ADCK1: variants seen among roughly 807,000 people sequenced by gnomAD.
The protein encoded by ADCK1 is aarF domain-containing protein kinase 1.
In ADCK1, 41 loss-of-function variants were observed where a neutral mutation model predicts 52.3. That is an observed-to-expected ratio of 0.78 (90% CI 0.61 to 1.02). The LOEUF is 1.02. Among genes scored for constraint, ADCK1 ranks in the 50% least tolerant of loss-of-function variants. The pLI, the probability that ADCK1 is intolerant of heterozygous loss-of-function variation, is 0.00. For synonymous variants in ADCK1, 250 were observed against 274.6 expected, an observed-to-expected ratio of 0.91 and a Z score of 0.89; for missense variants, 658 against 679.5, an observed-to-expected ratio of 0.97 and a Z score of 0.35.
At chr14:77,803,503 A>G (rs1275216022) in intron 1 of ADCK1, among the ~76,000 whole-genome samples, 2 of 152,178 alleles carry the variant, frequency 1.3e-5, no homozygotes, top group Non-Finnish European at 2.9e-5. Flanking sequence ...TGTGACCATC[A>G]GCTTCCCATT....
chr14:77,880,004 C>T (rs2082986670), intron 4 of ADCK1, among the ~76,000 whole-genome samples: 1 of 152,214 alleles, frequency 6.6e-6, no homozygotes, highest in South Asian at 2.1e-4. Flanking sequence ...AACTGAGGTA[C>T]AGTGGATTTG....
intron 5 of ADCK1, 45 bp downstream of exon 5, chr14:77,887,294 TC>T: frequency 6.7e-7 from 1 of 1,494,316 alleles, no homozygotes; most frequent in East Asian, 2.5e-5. Context: ...AGTCTACATT[TC>T]CCTGGGATCC....
chr14:77,912,026 TCTGCCACCATAGATGAC>T (rs2083802793), intron 7 of ADCK1, among the ~76,000 whole-genome samples: 2 of 152,214 alleles, frequency 1.3e-5, no homozygotes, highest in Admixed American at 1.3e-4. Context: ...TCTTTTGAGT[TCTGCCACCATAGATGAC>T]CTGCACCCAT....
At chr14:77,878,551 A>G (rs1001784127) in intron 4 of ADCK1, among the ~76,000 whole-genome samples, 1 of 152,128 alleles carries the variant, frequency 6.6e-6, no homozygotes, top group African/African-American at 2.4e-5. Flanking sequence ...ATCTCCTGGT[A>G]CCACCTCTCT....
rs2084404583 is a variant in ADCK1, at chr14:77,934,184, A to C, written c.*793A>C. 6.6e-6 allele frequency: 1 copy of C among 151,702 alleles called. No individual in the cohort carries two copies. Among genetic ancestry groups the C allele is most frequent in the Non-Finnish European group, 1.5e-5 (1 of 68,004 alleles). 9.4% of individuals were successfully genotyped at this position (151,702 alleles called of 1,614,324 possible). ...ATTAGGTCAGAGTGGACCTGAATCG[A>C]GTATTGGTGTGATCTTCTGCTTGGC... On this transcript the variant is annotated 3_prime_UTR_variant, in exon 11 of 11. Coordinates refer to ENST00000238561, the MANE Select transcript of ADCK1 (RefSeq NM_020421.4).
At chr14:77,814,747 A>T (rs2081408552) in intron 1 of ADCK1, among the ~76,000 whole-genome samples, 1 of 151,238 alleles carries the variant, frequency 6.6e-6, no homozygotes, top group African/African-American at 2.4e-5. Flanking sequence ...TGGCTCTCAA[A>T]CTTGAGCTTT....
intron 6 of ADCK1, among the ~76,000 whole-genome samples, chr14:77,900,335 G>C (rs534988434): frequency 6.6e-6 from 1 of 151,832 alleles, no homozygotes; most frequent in Non-Finnish European, 1.5e-5. Flanking sequence ...GGCAGTAATC[G>C]CAGTTCTTTG....
intron 10 of ADCK1, among the ~76,000 whole-genome samples, chr14:77,932,289 T>C (rs1056110588): frequency 1.3e-5 from 2 of 152,166 alleles, no homozygotes; most frequent in African/African-American, 4.8e-5. Context: ...CCTCGAGTGA[T>C]CCACCTTCCT....
chr14:77,928,802 G>A (rs1756389305), intron 9 of ADCK1, among the ~76,000 whole-genome samples: 1 of 152,100 alleles, frequency 6.6e-6, no homozygotes, highest in South Asian at 2.1e-4. Flanking sequence ...CAGTTTAAAT[G>A]CCAGTCCTTT....
At chr14:77,891,276 A>G (rs913248084) in intron 5 of ADCK1, among the ~76,000 whole-genome samples, 7 of 152,202 alleles carry the variant, frequency 4.6e-5, no homozygotes, top group Non-Finnish European at 8.8e-5. Flanking sequence ...GGCCCTGAGC[A>G]TCCGCCTACA....
intron 6 of ADCK1, among the ~76,000 whole-genome samples, chr14:77,904,112 AG>A (rs954910834): frequency 1.4e-4 from 21 of 152,054 alleles, no homozygotes; most frequent in African/African-American, 5.1e-4. Flanking sequence ...TGTGAATTCC[AG>A]TGAACCGTCT....
Position 77,924,536 on chromosome 14 carries a change from A to G in ADCK1, c.938A>G (p.Asn313Ser), listed in dbSNP as rs751645234. 13 of 1,614,110 alleles carry G rather than the reference A, an allele frequency of 8.1e-6. No homozygotes were observed. Among genetic ancestry groups the G allele is most frequent in the Non-Finnish European group, 1.1e-5 (13 of 1,180,028 alleles). ...GFVHCDPHPG[N>S]VLVRKHPGTG... ...GTGCACTGCGATCCCCACCCCGGCA[A>G]TGTACTGGTGCGGAAGCACCCCGGC... The change falls in exon 8 of 11, where the codon AAT becomes AGT. Residue 313 changes from asparagine to serine, a missense_variant. Coordinates refer to ENST00000238561, the MANE Select transcript of ADCK1 (RefSeq NM_020421.4).
At chr14:77,915,443 A>G (rs1174151284) in intron 7 of ADCK1, among the ~76,000 whole-genome samples, 1 of 149,418 alleles carries the variant, frequency 6.7e-6, no homozygotes, top group Non-Finnish European at 1.5e-5. Context: ...TTATGCTGCT[A>G]TAAAGACACA....
At chr14:77,917,535 C>T (rs2083952908) in intron 7 of ADCK1, among the ~76,000 whole-genome samples, 1 of 152,064 alleles carries the variant, frequency 6.6e-6, no homozygotes, top group Non-Finnish European at 1.5e-5. Flanking sequence ...GAGAAAAGTC[C>T]AAAAATAACT....
chr14:77,839,538 C>T (rs554071066), intron 3 of ADCK1, among the ~76,000 whole-genome samples: 5 of 152,108 alleles, frequency 3.3e-5, no homozygotes, highest in African/African-American at 7.2e-5. Context: ...CAACCCTCCC[C>T]GTGCCTGTGT....
Position 77,852,351 on chromosome 14 carries a change from C to T in ADCK1, c.220-6725C>T, listed in dbSNP as rs2082300906. Among the ~76,000 whole-genome samples, 3 of 152,064 alleles carry T rather than the reference C, an allele frequency of 2.0e-5. No homozygotes were observed. In the South Asian group the frequency reaches 6.2e-4, roughly 31 times the overall value. ...GATGTTATCTCCTACAGTTTTCCTA[C>T]ATCTGCAAGAACTTTTATACCTTTA... is the stretch of plus-strand genomic sequence containing the variant. On this transcript the variant is annotated intron_variant, in intron 3 of 10. Coordinates refer to ENST00000238561, the MANE Select transcript of ADCK1 (RefSeq NM_020421.4).
At chr14:77,829,723 A>G (rs555767948) in intron 3 of ADCK1, among the ~76,000 whole-genome samples, 30 of 151,524 alleles carry the variant, frequency 2.0e-4, no homozygotes, top group African/African-American at 7.2e-4. Context: ...CTTATCTACA[A>G]TATATTTCCT....
intron 5 of ADCK1, among the ~76,000 whole-genome samples, chr14:77,895,038 C>T (rs2083380004): frequency 2.0e-5 from 3 of 152,304 alleles, no homozygotes; most frequent in Admixed American, 2.0e-4. Context: ...CAGGCGTGAG[C>T]TACCACGCTT....
intron 1 of ADCK1, among the ~76,000 whole-genome samples, chr14:77,805,298 G>A (rs2081199779): frequency 1.0e-5 from 1 of 97,366 alleles, no homozygotes; most frequent in African/African-American, 3.9e-5. Context: ...GTCTTGCCCT[G>A]TTGCCCAGGC....
Sources: allele counts gnomAD v4.1 joint callset (sites outside exome capture counted in the v4.1 genomes callset), GRCh38; gene constraint gnomAD v4.1.1; transcripts MANE v1.5; gene names NCBI Gene and HGNC (gene_info 2026-07-23, HGNC 2026-07-21).